Variants in DAB1 observed in about 807,000 individuals in gnomAD.
DAB1 encodes the protein disabled homolog 1.
In DAB1, 15 loss-of-function variants were observed where a neutral mutation model predicts 64.6. The observed-to-expected ratio is 0.23, with a 90% CI of 0.16 to 0.36. The LOEUF is 0.36. Among genes scored for constraint, DAB1 ranks in the 10% least tolerant of loss-of-function variants. The probability of loss-of-function intolerance (pLI) is 1.00; values close to 1 mark genes in which losing one functional copy is unlikely to be tolerated. For missense variants in DAB1, 596 were observed against 706.7 expected (o/e 0.84, Z 1.78); for synonymous variants, 235 against 251.9 (o/e 0.93, Z 0.64).
At chr1:57,246,888 C>G (rs1668924724) in intron 2 of DAB1, among the ~76,000 whole-genome samples, 3 of 152,332 alleles carry the variant, frequency 2.0e-5, no homozygotes, top group Admixed American at 6.5e-5. Context: ...TGTATGGGGC[C>G]TGTAGCCCTT....
intron 1 of DAB1, among the ~76,000 whole-genome samples, chr1:57,366,085 C>G (rs1323890961): frequency 6.6e-6 from 1 of 152,162 alleles, no homozygotes; most frequent in Non-Finnish European, 1.5e-5. Context: ...GTGTCCTGCT[C>G]TTTGCAGGAC....
intron 3 of DAB1, among the ~76,000 whole-genome samples, chr1:58,502,815 TAG>T (rs1244333190): frequency 6.6e-6 from 1 of 152,222 alleles, no homozygotes; most frequent in Non-Finnish European, 1.5e-5. Context: ...AATATTGCAA[TAG>T]AGTTTTATTA....
chr1:57,180,517 T>TG (rs1462285038), intron 2 of DAB1, among the ~76,000 whole-genome samples: 1 of 152,138 alleles, frequency 6.6e-6, no homozygotes, highest in African/African-American at 2.4e-5. Context: ...GACTTGCGGA[T>TG]GGGGGGTAAA....
At chr1:57,137,842 G>A (rs1658264272) in intron 3 of DAB1, among the ~76,000 whole-genome samples, 3 of 152,126 alleles carry the variant, frequency 2.0e-5, no homozygotes, top group Admixed American at 1.3e-4. Context: ...GTATGAGGAA[G>A]GCACATTCTG....
intron 5 of DAB1, among the ~76,000 whole-genome samples, chr1:57,890,753 T>C (rs555831837): frequency 1.2e-4 from 18 of 152,268 alleles, no homozygotes; most frequent in South Asian, 8.3e-4. Flanking sequence ...TTTTCTGTTT[T>C]TTCACCTAAA....
intron 6 of DAB1, among the ~76,000 whole-genome samples, chr1:57,727,115 G>C (rs372201296): frequency 1.1e-4 from 17 of 152,334 alleles, no homozygotes; most frequent in African/African-American, 3.8e-4. Context: ...CTCTTGGCTA[G>C]AGGTGACTGC....
At chr1:58,050,962 AGGT>A (rs1474998801) in intron 5 of DAB1, among the ~76,000 whole-genome samples, 1 of 152,172 alleles carries the variant, frequency 6.6e-6, no homozygotes, top group African/African-American at 2.4e-5. Flanking sequence ...ATGTTGTTCT[AGGT>A]GTGAGAAATA....
intron 3 of DAB1, among the ~76,000 whole-genome samples, chr1:58,474,634 G>C (rs1167667776): frequency 1.3e-5 from 2 of 152,214 alleles, no homozygotes; most frequent in Non-Finnish European, 2.9e-5. Flanking sequence ...ATTGCAAAGG[G>C]AGCTGGTGTT....
intron 7 of DAB1, among the ~76,000 whole-genome samples, chr1:57,564,795 C>T (rs530048072): frequency 1.3e-5 from 2 of 152,118 alleles, no homozygotes; most frequent in Non-Finnish European, 2.9e-5. Context: ...AATCTACGTC[C>T]AACTGGTGTA....
intron 7 of DAB1, among the ~76,000 whole-genome samples, chr1:57,610,057 C>T (rs1645707734): frequency 1.3e-5 from 2 of 152,184 alleles, no homozygotes; most frequent in South Asian, 4.1e-4. Context: ...GGCTCCTCAG[C>T]CCTTGATTCT....
chr1:57,523,305 T>C (rs1211484865), intron 7 of DAB1, among the ~76,000 whole-genome samples: 1 of 152,164 alleles, frequency 6.6e-6, no homozygotes, highest in Non-Finnish European at 1.5e-5. Flanking sequence ...TACAAATATT[T>C]GGAAGGAGGG....
chr1:57,823,381 G>A (rs556107845), downstream of DAB1, among the ~76,000 whole-genome samples: 1 of 152,108 alleles, frequency 6.6e-6, no homozygotes, highest in Non-Finnish European at 1.5e-5. Flanking sequence ...TGTGACTGGG[G>A]AGGTTGGACA....
rs545672832 is a variant in DAB1 at position 57,843,960 on chromosome 1, T to C, written n.88-17505A>G. On this transcript the variant is annotated intron_variant and non_coding_transcript_variant, in intron 1 of 1. Coordinates refer to the DAB1 transcript ENST00000477280. ...CCATTCTGGAAGTTCTCTAGCCTAA[T>C]GACTCACTGTAAAATCTGTGCCTGA... Among the ~76,000 whole-genome samples the C allele has an allele frequency of 6.6e-5, 10 of 152,370 alleles. No individual in the cohort carries two copies. The South Asian group carries it at 2.1e-3, about 32-fold the overall frequency.
chr1:57,138,514 T>C (rs144684138), intron 3 of DAB1, among the ~76,000 whole-genome samples: 1 of 152,224 alleles, frequency 6.6e-6, no homozygotes, highest in East Asian at 1.9e-4. Flanking sequence ...AGACCCCTCC[T>C]CCAGCAACTG....
intron 4 of DAB1, among the ~76,000 whole-genome samples, chr1:57,132,294 C>T (rs929804222): frequency 6.6e-4 from 100 of 152,124 alleles, no homozygotes; most frequent in Middle Eastern, 3.2e-3. Flanking sequence ...ATAACTAAGG[C>T]ATAGCAGGTA....
intron 7 of DAB1, among the ~76,000 whole-genome samples, chr1:57,476,226 CAAA>C (rs57483030): frequency 1.7e-5 from 1 of 57,162 alleles, no homozygotes; most frequent in Non-Finnish European, 3.6e-5. Context: ...AACTCCACTT[CAAA>C]AAAAAAAAAA....
chr1:57,797,800 GC>G (rs1413652778), intron 6 of DAB1, among the ~76,000 whole-genome samples: 2 of 152,166 alleles, frequency 1.3e-5, no homozygotes, highest in African/African-American at 2.4e-5. Flanking sequence ...TTGGGAATAA[GC>G]CATACCTATA....
chr1:57,113,514 C>T (rs1408183827), intron 4 of DAB1, among the ~76,000 whole-genome samples: 1 of 152,192 alleles, frequency 6.6e-6, no homozygotes, highest in Non-Finnish European at 1.5e-5. Context: ...GTGGCAACAA[C>T]TCAATGCTGC....
At chr1:57,117,770 A>C (rs1656269082) in intron 4 of DAB1, among the ~76,000 whole-genome samples, 1 of 151,800 alleles carries the variant, frequency 6.6e-6, no homozygotes, top group South Asian at 2.1e-4. Flanking sequence ...TTCTAAGCTC[A>C]GTTTTACTGG....
Sources: gnomAD v4.1 joint callset for allele counts (sites outside exome capture counted in the v4.1 genomes callset) on GRCh38, gnomAD v4.1.1 for gene constraint, MANE v1.5 for transcripts, NCBI Gene and HGNC (gene_info 2026-07-23, HGNC 2026-07-21) for gene names.